ZNF804A: variants seen among roughly 807,000 people sequenced by gnomAD.
The protein encoded by ZNF804A is zinc finger protein 804A.
In ZNF804A, 2 loss-of-function variants were observed where a neutral mutation model predicts 16.5. The observed-to-expected ratio is 0.12, with a 90% CI of 0.05 to 0.38. The LOEUF (loss-of-function observed/expected upper bound fraction) is 0.38, where lower values mean the gene tolerates loss of function less well. Among genes scored for constraint, ZNF804A ranks in the 10% least tolerant of loss-of-function variants. The pLI is 0.99. For synonymous variants in ZNF804A, 534 were observed against 489.6 expected, an observed-to-expected ratio of 1.09 and a Z score of -1.20; for missense variants, 1,473 against 1,390.7, an observed-to-expected ratio of 1.06 and a Z score of -0.94.
At chr2:184,871,430 C>CA (rs71011064) in intron 2 of ZNF804A, among the ~76,000 whole-genome samples, 497 of 128,384 alleles carry the variant, frequency 3.9e-3, no homozygotes, top group Middle Eastern at 0.026. Flanking sequence ...AAAAAAAAAA[C>CA]AAAAAAAAAC....
At chr2:184,735,964 T>C (rs1302908313) in intron 1 of ZNF804A, among the ~76,000 whole-genome samples, 1 of 152,210 alleles carries the variant, frequency 6.6e-6, no homozygotes, top group African/African-American at 2.4e-5. Context: ...TATTTTTATA[T>C]TTCATTGTAG....
intron 1 of ZNF804A, among the ~76,000 whole-genome samples, chr2:184,811,870 C>T (rs913423105): frequency 7.9e-5 from 12 of 152,112 alleles, no homozygotes; most frequent in Non-Finnish European, 1.6e-4. Context: ...GAGTTTTCTT[C>T]CTAGCTTTGC....
At chr2:184,653,942 C>A (rs1386750450) in intron 1 of ZNF804A, among the ~76,000 whole-genome samples, 1 of 152,166 alleles carries the variant, frequency 6.6e-6, no homozygotes, top group African/African-American at 2.4e-5. Context: ...TTTAGAGAAC[C>A]AGTGTGGTAA....
rs964371868 is a variant in ZNF804A at position 184,741,097 on chromosome 2, G to A, written c.112-125272G>A. On this transcript the variant is annotated intron_variant, in intron 1 of 3. Coordinates refer to ENST00000302277, the MANE Select transcript of ZNF804A (RefSeq NM_194250.2). The stretch of plus-strand genomic sequence containing the variant: ...GTAAGTTCGAGTCTCCAAGACCACC[G>A]CTTGTGACACAAACTGCAAATTTAG... Among the ~76,000 whole-genome samples the A allele has an allele frequency of 3.3e-5, 5 of 152,190 alleles. No homozygotes were observed. The East Asian group carries it at 5.8e-4, about 18-fold the overall frequency.
intron 2 of ZNF804A, among the ~76,000 whole-genome samples, chr2:184,868,562 G>C (rs935759640): frequency 1.3e-5 from 2 of 151,948 alleles, no homozygotes; most frequent in African/African-American, 4.8e-5. Context: ...AAAAATGTAG[G>C]GATTGTTCAG....
chr2:184,898,249 A>T (rs1558996335), intron 2 of ZNF804A, among the ~76,000 whole-genome samples: 1 of 152,146 alleles, frequency 6.6e-6, no homozygotes, highest in Non-Finnish European at 1.5e-5. Flanking sequence ...ATCTGCACAT[A>T]AGTGAGTTAT....
intron 2 of ZNF804A, among the ~76,000 whole-genome samples, chr2:184,899,744 T>C (rs1348937734): frequency 2.0e-5 from 3 of 151,894 alleles, no homozygotes; most frequent in Non-Finnish European, 4.4e-5. Context: ...TTGAATCTTA[T>C]TTGTTTCTGT....
At chr2:184,758,814 A>G (rs1693998472) in intron 1 of ZNF804A, among the ~76,000 whole-genome samples, 1 of 152,026 alleles carries the variant, frequency 6.6e-6, no homozygotes, top group Non-Finnish European at 1.5e-5. Context: ...TTATAACTTA[A>G]AAATAGAATT....
chr2:184,703,689 CAAAAA>C (rs10593157), intron 1 of ZNF804A, among the ~76,000 whole-genome samples: 3 of 56,460 alleles, frequency 5.3e-5, no homozygotes, highest in Admixed American at 2.8e-4. Flanking sequence ...GACTCCGGTT[CAAAAA>C]AAAAAAAAAA....
At chr2:184,703,705 A>AG (rs71011053) in intron 1 of ZNF804A, among the ~76,000 whole-genome samples, 25 of 149,634 alleles carry the variant, frequency 1.7e-4, no homozygotes, top group South Asian at 1.1e-3. Flanking sequence ...AAAAAAAAAA[A>AG]AAAAAAAGAA....
At chr2:184,780,021 G>A (rs924572567) in intron 1 of ZNF804A, among the ~76,000 whole-genome samples, 1 of 151,676 alleles carries the variant, frequency 6.6e-6, no homozygotes, top group Non-Finnish European at 1.5e-5. Context: ...AGGCTCCCAG[G>A]CTTCACAGGT....
At position 184,938,123 on chromosome 2, in the gene ZNF804A, T is replaced by C; in HGVS notation, c.2727T>C (p.Asp909=). 6.2e-7 allele frequency: 1 copy of C among 1,614,150 alleles called. No homozygotes were observed. Among genetic ancestry groups the C allele is most frequent in the Non-Finnish European group, 8.5e-7 (1 of 1,180,024 alleles). The change falls in exon 4 of 4, where the codon GAT becomes GAC. Residue 909 remains aspartate (D), a synonymous_variant. Transcript: ENST00000302277. ...AGACCACTTCTGGTGAATTGTCAGA[T>C]GTTTCCAATGATCCCACCACATCTG... The part of the protein sequence containing the change: ...EMETTSGELS[D]VSNDPTTSVC...
At chr2:184,607,069 T>G (rs1240896338) in intron 1 of ZNF804A, among the ~76,000 whole-genome samples, 1 of 152,226 alleles carries the variant, frequency 6.6e-6, no homozygotes, top group African/African-American at 2.4e-5. Flanking sequence ...TTCTGCTATT[T>G]TATATACAGG....
chr2:184,898,808 CT>C (rs2105826079), intron 2 of ZNF804A, among the ~76,000 whole-genome samples: 1 of 152,046 alleles, frequency 6.6e-6, no homozygotes, highest in South Asian at 2.1e-4. Flanking sequence ...ATGAAAAGTA[CT>C]TCCATGTTTA....
chr2:184,777,667 A>C (rs1249517951), intron 1 of ZNF804A, among the ~76,000 whole-genome samples: 1 of 151,688 alleles, frequency 6.6e-6, no homozygotes, highest in Non-Finnish European at 1.5e-5. Context: ...TCTGTTGATC[A>C]AGTTTTAAAA....
At chr2:184,752,449 A>G (rs1693890819) in intron 1 of ZNF804A, among the ~76,000 whole-genome samples, 1 of 151,512 alleles carries the variant, frequency 6.6e-6, no homozygotes, top group Non-Finnish European at 1.5e-5. Context: ...GACATAAAGA[A>G]GCAAATAATA....
intron 1 of ZNF804A, among the ~76,000 whole-genome samples, chr2:184,636,893 C>G (rs1691708804): frequency 6.6e-6 from 1 of 152,084 alleles, no homozygotes; most frequent in Non-Finnish European, 1.5e-5. Flanking sequence ...TCTCTCTTCT[C>G]TATCTACTCA....
intron 1 of ZNF804A, among the ~76,000 whole-genome samples, chr2:184,703,563 G>A (rs1384938170): frequency 2.0e-5 from 3 of 151,600 alleles, no homozygotes; most frequent in Non-Finnish European, 2.9e-5. Flanking sequence ...GGTGGCGGGC[G>A]CCTGTAGTCT....
At chr2:184,703,823 A>C (rs1436836088) in intron 1 of ZNF804A, among the ~76,000 whole-genome samples, 2 of 152,048 alleles carry the variant, frequency 1.3e-5, no homozygotes, top group African/African-American at 4.8e-5. Context: ...TTTAACTTAT[A>C]AAAAAAGTGA....
Sources: allele counts gnomAD v4.1 joint callset (sites outside exome capture counted in the v4.1 genomes callset), GRCh38; gene constraint gnomAD v4.1.1; transcripts MANE v1.5; gene names NCBI Gene and HGNC (gene_info 2026-07-23, HGNC 2026-07-21).